The following AP3B1 variants were observed in gnomAD, a reference collection of about 807,000 sequenced individuals.
AP3B1 encodes the protein AP-3 complex subunit beta-1.
A neutral mutation model predicts 132.5 loss-of-function variants in AP3B1; 61 were observed. That is an observed-to-expected ratio of 0.46 (90% CI 0.37 to 0.57). AP3B1 has a LOEUF of 0.57. AP3B1 is among the 20% of genes least tolerant of loss of function. The probability of loss-of-function intolerance (pLI) is 0.00; values close to 1 mark genes in which losing one functional copy is unlikely to be tolerated. For synonymous variants in AP3B1, 388 were observed against 438.3 expected (o/e 0.89, Z 1.43); for missense variants, 1,120 against 1,289.4 (o/e 0.87, Z 2.01).
chr5:78,120,805 A>G (rs961122673), intron 17 of AP3B1, among the ~76,000 whole-genome samples: 1 of 152,202 alleles, frequency 6.6e-6, no homozygotes, highest in Non-Finnish European at 1.5e-5. Context: ...TTTAACAAGG[A>G]TACCCAGTAA....
chr5:78,215,938 G>C, intron 7 of AP3B1, 117 bp downstream of exon 7: 1 of 904,656 alleles, frequency 1.1e-6, no homozygotes, highest in Admixed American at 2.1e-5. Flanking sequence ...AGACAAATGA[G>C]TCTTCCTTAA....
At chr5:78,230,255 C>G (rs1050084522) in intron 3 of AP3B1, among the ~76,000 whole-genome samples, 2 of 152,192 alleles carry the variant, frequency 1.3e-5, no homozygotes, top group Non-Finnish European at 2.9e-5. Flanking sequence ...AGATTCAACA[C>G]ATCTTGGCAC....
intron 3 of AP3B1, among the ~76,000 whole-genome samples, chr5:78,239,950 C>G (rs1051778672): frequency 2.6e-5 from 4 of 152,122 alleles, no homozygotes; most frequent in African/African-American, 9.7e-5. Flanking sequence ...CATTTAAAAT[C>G]ATCACGCAAA....
intron 1 of AP3B1, among the ~76,000 whole-genome samples, chr5:78,281,434 C>CAA (rs36002317): frequency 9.7e-3 from 644 of 66,468 alleles, no homozygotes; most frequent in East Asian, 0.014. Context: ...AACTCTGCCT[C>CAA]AAAAAAAAAA....
At position 78,002,604 on chromosome 5, in the gene AP3B1, A is replaced by C; in HGVS notation, c.*298T>G. On this transcript the variant is annotated 3_prime_UTR_variant, in exon 27 of 27. Coordinates refer to ENST00000255194, the MANE Select transcript of AP3B1 (RefSeq NM_003664.5). ...TTCATGTCTACCATTGTCGAAAAAG[A>C]GAAGGAAAACGAGGAGGCCAAAAGA... The C allele has an allele frequency of 1.7e-6, 1 of 575,154 alleles. No homozygotes were observed. Among genetic ancestry groups the C allele is most frequent in the Non-Finnish European group, 3.1e-6 (1 of 325,054 alleles). The allele number at this position is 575,154 out of a possible 1,614,324, so 35.6% of individuals were successfully genotyped here.
chr5:78,019,189 T>G (rs1189487632), intron 25 of AP3B1, among the ~76,000 whole-genome samples: 1 of 152,130 alleles, frequency 6.6e-6, no homozygotes, highest in African/African-American at 2.4e-5. Context: ...AAAAGGAATT[T>G]TGGCAACAAC....
At chr5:78,155,365 G>A (rs1192977281) in intron 14 of AP3B1, among the ~76,000 whole-genome samples, 1 of 152,174 alleles carries the variant, frequency 6.6e-6, no homozygotes, top group Non-Finnish European at 1.5e-5. Context: ...CCTCTTCAGT[G>A]CCTCTTTCAG....
intron 17 of AP3B1, 119 bp from the exon 18 acceptor site, chr5:78,116,353 A>G: frequency 1.2e-6 from 1 of 808,664 alleles, no homozygotes; most frequent in Non-Finnish European, 2.1e-6. Flanking sequence ...CTCCACAGGG[A>G]ATGCAACTGT....
At chr5:78,040,470 G>C (rs77983350) in intron 22 of AP3B1, among the ~76,000 whole-genome samples, 6,661 of 151,440 alleles carry the variant, frequency 0.044, 499 homozygotes, top group African/African-American at 0.15. Flanking sequence ...TTCCCCCTCC[G>C]AATATTTTCT....
chr5:78,207,213 G>A (rs114215459), intron 7 of AP3B1, among the ~76,000 whole-genome samples: 5,613 of 149,384 alleles, frequency 0.038, 123 homozygotes, highest in Non-Finnish European at 0.058. Context: ...AGCCAAGATC[G>A]TGCCACTGTA....
At chr5:78,029,931 G>A (rs1340100710) in intron 24 of AP3B1, among the ~76,000 whole-genome samples, 3 of 151,606 alleles carry the variant, frequency 2.0e-5, no homozygotes, top group Non-Finnish European at 4.4e-5. Flanking sequence ...TTTTGCCATC[G>A]ATCAATTCTC....
At chr5:78,142,522 G>A (rs1165340872) in intron 14 of AP3B1, among the ~76,000 whole-genome samples, 1 of 151,998 alleles carries the variant, frequency 6.6e-6, no homozygotes, top group African/African-American at 2.4e-5. Flanking sequence ...ATACATAGTA[G>A]GATTGTTAAA....
intron 2 of AP3B1, among the ~76,000 whole-genome samples, chr5:78,261,717 C>A (rs1164089723): frequency 6.6e-6 from 1 of 151,618 alleles, no homozygotes; most frequent in African/African-American, 2.4e-5. Flanking sequence ...CTGCCCACCT[C>A]GGCCTCCCAA....
chr5:78,228,275 GA>G (rs1746484039), intron 3 of AP3B1, 36 bp from the exon 4 acceptor site: 4 of 1,504,608 alleles, frequency 2.7e-6, no homozygotes, highest in Non-Finnish European at 3.7e-6. Context: ...TAACCAGAGT[GA>G]AAATTTAAAA....
At chr5:78,212,948 G>C (rs1745805715) in intron 7 of AP3B1, among the ~76,000 whole-genome samples, 1 of 151,966 alleles carries the variant, frequency 6.6e-6, no homozygotes, top group African/African-American at 2.4e-5. Flanking sequence ...TGCGATCTCG[G>C]CTCACTGCAA....
intron 7 of AP3B1, among the ~76,000 whole-genome samples, chr5:78,212,602 G>A (rs35150459): frequency 0.37 from 55,547 of 151,918 alleles, 10,457 homozygotes; most frequent in African/African-American, 0.45. Flanking sequence ...GAGGGCTAGA[G>A]TGAAGACATT....
At chr5:78,220,127 CA>C (rs969273848) in intron 6 of AP3B1, among the ~76,000 whole-genome samples, 2 of 150,460 alleles carry the variant, frequency 1.3e-5, no homozygotes, top group Non-Finnish European at 3.0e-5. Context: ...TACATGTGAC[CA>C]AAAAAAGGTA....
intron 25 of AP3B1, among the ~76,000 whole-genome samples, chr5:78,017,444 T>C (rs1165289070): frequency 6.6e-6 from 1 of 151,966 alleles, no homozygotes; most frequent in Admixed American, 6.6e-5. Context: ...AAATGTATTG[T>C]CTCGATTGCT....
At chr5:78,165,568 A>AT in intron 12 of AP3B1, 42 bp downstream of exon 12, 1 of 1,364,404 alleles carries the variant, frequency 7.3e-7, no homozygotes, top group Non-Finnish European at 1.0e-6. Context: ...AAGACTGAAC[A>AT]TATGTTTTAG....
Sources: gnomAD v4.1 joint callset for allele counts (sites outside exome capture counted in the v4.1 genomes callset) on GRCh38, gnomAD v4.1.1 for gene constraint, MANE v1.5 for transcripts, NCBI Gene and HGNC (gene_info 2026-07-23, HGNC 2026-07-21) for gene names.